Variants in KRT85 observed in about 807,000 individuals in gnomAD.
KRT85 encodes the protein keratin 85.
Under a neutral mutation model 53.7 loss-of-function variants are expected in KRT85, and 39 were observed. The observed-to-expected ratio is 0.73, with a 90% CI of 0.56 to 0.95. The LOEUF (loss-of-function observed/expected upper bound fraction) is 0.95, where lower values mean the gene tolerates loss of function less well. Ranked by LOEUF, KRT85 falls within the 40% of genes least tolerant of loss-of-function variation. The pLI is 0.00. For synonymous variants in KRT85, 291 were observed against 277.5 expected, an observed-to-expected ratio of 1.05 and a Z score of -0.48; for missense variants, 668 against 686.0, an observed-to-expected ratio of 0.97 and a Z score of 0.29.
At position 52,363,414 on chromosome 12, in the gene KRT85, T is replaced by TG; in HGVS notation, c.787-5dup. 6.2e-7 allele frequency: 1 copy of TG among 1,614,100 alleles called. No individual in the cohort carries two copies. The highest frequency in any genetic ancestry group is 1.6e-4 in the Middle Eastern group (1 of 6,062). ...GGGCTTGGAGAACGCGGATCTCCTG[T>TG]GGGGCCAACAGCCAGTGCATTTGCT... On this transcript the variant is annotated splice_region_variant and splice_polypyrimidine_tract_variant and intron_variant, in intron 4 of 8. Transcript: ENST00000257901.
Position 52,360,679 on chromosome 12 carries a change from G to T in KRT85, c.*174C>A, listed in dbSNP as rs1448563913. 5 of 690,482 alleles carry T rather than the reference G, an allele frequency of 7.2e-6. No individual in the cohort carries two copies. The highest frequency in any genetic ancestry group is 2.3e-5 in the Admixed American group (1 of 42,836). The allele number at this position is 690,482 out of a possible 1,614,324, so 42.8% of individuals were successfully genotyped here. A position where few individuals can be genotyped will look rare whatever the true frequency, so the allele number is the denominator to read the frequency against. ...AGGACAACTAGGATGCATCTCCCTA[G>T]CATGAAAAGGCGCAGGGGAGCGGCC... On this transcript the variant is annotated 3_prime_UTR_variant, in exon 9 of 9. Coordinates refer to ENST00000257901, the MANE Select transcript of KRT85 (RefSeq NM_002283.4).
In KRT85 at chr12:52,364,119, A is replaced by G. The variant is rs754428971; in HGVS notation, c.735T>C (p.Asn245=). The G allele has an allele frequency of 2.5e-6, 4 of 1,613,860 alleles. No individual in the cohort carries two copies. Among genetic ancestry groups the G allele is most frequent in the African/African-American group, 2.7e-5 (2 of 74,858 alleles). The change falls in exon 4 of 9, where the codon AAT becomes AAC. Residue 245 remains asparagine, a synonymous_variant. Transcript: ENST00000257901. The stretch of plus-strand genomic sequence containing the variant: ...TAGACTCCTCCACCAGGGCCTCCAC[A>G]TTGGCCTCCAGGTCTGATTTCCGCA... ...AYLRKSDLEA[N]VEALVEESSF... is the part of the protein sequence containing the mutation.
At position 52,363,013 on chromosome 12, in the gene KRT85, G is replaced by T. The variant is rs542412139; in HGVS notation, c.952-34C>A. 1.4e-5 allele frequency: 23 copies of T among 1,614,040 alleles called. 1 individual carries two copies. In the East Asian group the frequency reaches 4.9e-4, roughly 34 times the overall value. On this transcript the variant is annotated intron_variant, in intron 5 of 8. Transcript: ENST00000257901. ...AGTAGAGATGCTCATGAGGCTCAGGGTGGGGCCCCCCATCCATTCAGGACA... is the reference window on the plus strand; with the variant it reads ...AGTAGAGATGCTCATGAGGCTCAGGTTGGGGCCCCCCATCCATTCAGGACA...
At position 52,362,291 on chromosome 12, in the gene KRT85, T is replaced by A; in HGVS notation, c.1258A>T (p.Ile420Phe). ...TCCAGCAGGCGCCTGTAGGTGGCGA[T>A]CTCGATGTCCAGGCCCAGCTTGGAG... is the stretch of plus-strand genomic sequence containing the variant. ...MNSKLGLDIEIATYRRLLEGE... is the reference protein window; with the variant it reads ...MNSKLGLDIEFATYRRLLEGE... Residue 420 changes from isoleucine (I) to phenylalanine (F), a missense_variant, in exon 7 of 9, where the codon ATC (isoleucine) becomes TTC (phenylalanine). Coordinates refer to ENST00000257901, the MANE Select transcript of KRT85 (RefSeq NM_002283.4). The A allele has an allele frequency of 6.2e-7, 1 of 1,614,106 alleles. No homozygotes were observed. The highest frequency in any genetic ancestry group is 8.5e-7 in the Non-Finnish European group (1 of 1,180,012).
chr12:52,363,472 C>A, intron 4 of KRT85, 62 bp from the exon 5 acceptor site: 1 of 1,589,786 alleles, frequency 6.3e-7, no homozygotes. Flanking sequence ...GTGATCCACC[C>A]CAGGGGACAA....
At position 52,361,000 on chromosome 12, in the gene KRT85, G is replaced by A. The variant is rs1208025189; in HGVS notation, c.1377C>T (p.Tyr459=). The change falls in exon 9 of 9, where the codon TAC becomes TAT. Residue 459 remains tyrosine, a synonymous_variant. Coordinates refer to ENST00000257901, the MANE Select transcript of KRT85 (RefSeq NM_002283.4). The part of the protein sequence containing the change: ...RGGVSCGGLS[Y]STTPGRQITS... ...TGATCTGGCGCCCTGGGGTGGTGCT[G>A]TAGGAGAGGCCCCCACAGGAGACTC... 6 of 1,613,500 alleles carry A rather than the reference G, an allele frequency of 3.7e-6. No individual in the cohort carries two copies. Among genetic ancestry groups the A allele is most frequent in the Non-Finnish European group, 5.1e-6 (6 of 1,179,870 alleles).
rs755869685 is a variant in KRT85, at chr12:52,367,476, CCTT to C, written c.-74_-72del. ...GGCGGCAGAGTGCGAGGCTCAGGAT[CCTT>C]CTGCTCTCTCTGATCCTCCCTGGTC... On this transcript the variant is annotated 5_prime_UTR_variant, in exon 1 of 9. Transcript: ENST00000257901. 203 of 1,503,066 alleles carry C rather than the reference CCTT, an allele frequency of 1.4e-4. No homozygotes were observed. Among genetic ancestry groups the C allele is most frequent in the Non-Finnish European group, 1.8e-4 (193 of 1,089,598 alleles). The allele number at this position is 1,503,066 out of a possible 1,614,324, so 93.1% of individuals were successfully genotyped here.
chr12:52,364,719 C>A, intron 2 of KRT85: 1 of 1,408,052 alleles, frequency 7.1e-7, no homozygotes. Context: ...ATAGAGAGTG[C>A]TAGAATTCCA....
At chr12:52,361,557 T>G (rs2298796) in intron 7 of KRT85, 59 bp from the exon 8 acceptor site, 1 of 1,522,122 alleles carries the variant, frequency 6.6e-7, no homozygotes, top group African/African-American at 1.4e-5. Flanking sequence ...TTGAGACTGA[T>G]GGTTGCTTGG....
At chr12:52,365,314 C>A in intron 1 of KRT85, 144 bp from the exon 2 acceptor site, 2 of 884,908 alleles carry the variant, frequency 2.3e-6, no homozygotes, top group South Asian at 1.4e-5. Flanking sequence ...CATTCCCAGG[C>A]CCCCAGGGAG....
At position 52,367,306 on chromosome 12, in the gene KRT85, T is replaced by C; in HGVS notation, c.100A>G (p.Ile34Val). The C allele has an allele frequency of 6.2e-7, 1 of 1,613,750 alleles. No homozygotes were observed. The highest frequency in any genetic ancestry group is 8.5e-7 in the Non-Finnish European group (1 of 1,179,808). ...VAPKTGNRCCISAAPYRGVSC... is the reference protein window; with the variant it reads ...VAPKTGNRCCVSAAPYRGVSC... ...ACCCCTCGGTAGGGGGCGGCGCTGATGCAGCAGCGGTTGCCAGTTTTGGGG... is the reference window on the plus strand; with the variant it reads ...ACCCCTCGGTAGGGGGCGGCGCTGACGCAGCAGCGGTTGCCAGTTTTGGGG... Residue 34 changes from isoleucine (I) to valine (V), a missense_variant, in exon 1 of 9, where the codon ATC becomes GTC. Transcript: ENST00000257901.
Position 52,362,909 on chromosome 12 carries a change from T to C in KRT85, c.1022A>G (p.Glu341Gly). ...TLRRTKEEIN[E>G]LNRMIQRLTA... ...CAGCCTCTGGATCATGCGGTTCAGC[T>C]CGTTGATCTCCTCCTTGGTGCGGCG... Residue 341 changes from glutamate to glycine, a missense_variant, in exon 6 of 9, where the codon GAG becomes GGG. Coordinates refer to ENST00000257901, the MANE Select transcript of KRT85 (RefSeq NM_002283.4). 1 of 1,614,130 alleles carries C rather than the reference T, an allele frequency of 6.2e-7. No homozygotes were observed. Among genetic ancestry groups the C allele is most frequent in the Non-Finnish European group, 8.5e-7 (1 of 1,180,016 alleles).
At chr12:52,366,670 C>G (rs1939275300) in intron 1 of KRT85, among the ~76,000 whole-genome samples, 1 of 123,508 alleles carries the variant, frequency 8.1e-6, no homozygotes, top group Non-Finnish European at 1.9e-5. Flanking sequence ...TATGCTCACA[C>G]ACATGTACAC....
At chr12:52,361,146 G>A (rs1939185095) in intron 8 of KRT85, 100 bp from the exon 9 acceptor site, 1 of 1,046,060 alleles carries the variant, frequency 9.6e-7, no homozygotes, top group African/African-American at 1.6e-5. Flanking sequence ...CCCTCTCCAA[G>A]GAATTGGTGG....
At position 52,365,160 on chromosome 12, in the gene KRT85, A is replaced by G. The variant is rs752466101; in HGVS notation, c.431T>C (p.Leu144Pro). ...CTCCAGCAGCTTGTTCTGCTGCTCC[A>G]GGAAGCGCACCTGCCATTCAGGTGG... ...FAAFIDKVRF[L>P]EQQNKLLETK... Residue 144 changes from leucine to proline, a missense_variant, in exon 2 of 9, where the codon CTG becomes CCG. Around this residue, in one of 3 missense-constraint regions of KRT85, gnomAD observed 488 missense variants for 498.1 expected, o/e 0.98. Transcript: ENST00000257901. The G allele has an allele frequency of 6.2e-7, 1 of 1,614,202 alleles. No homozygotes were observed. The highest frequency in any genetic ancestry group is 8.5e-7 in the Non-Finnish European group (1 of 1,180,036).
At chr12:52,363,467 C>G in intron 4 of KRT85, 57 bp from the exon 5 acceptor site, 1 of 1,597,698 alleles carries the variant, frequency 6.3e-7, no homozygotes, top group Non-Finnish European at 8.6e-7. Context: ...GCCACGTGAT[C>G]CACCCCAGGG....
chr12:52,360,193 T>G lies in KRT85; in HGVS notation c.*660A>C, dbSNP rs544543733. On this transcript the variant is annotated 3_prime_UTR_variant, in exon 9 of 9. Transcript: ENST00000257901. ...AGCAGCCATGGAGTCTTCTTTGAAATGTACAAAGGTTCACTGAATAGCAAG... is the reference window on the plus strand; with the variant it reads ...AGCAGCCATGGAGTCTTCTTTGAAAGGTACAAAGGTTCACTGAATAGCAAG... 1 of 158,190 alleles carries G rather than the reference T, an allele frequency of 6.3e-6. No individual in the cohort carries two copies. Among genetic ancestry groups the G allele is most frequent in the African/African-American group, 2.4e-5 (1 of 41,540 alleles). The allele number at this position is 158,190 out of a possible 1,614,324, so 9.8% of individuals were successfully genotyped here.
intron 1 of KRT85, among the ~76,000 whole-genome samples, chr12:52,366,536 C>A (rs549819326): frequency 1.3e-5 from 2 of 152,342 alleles, no homozygotes; most frequent in East Asian, 3.9e-4. Context: ...TTATCTCCCA[C>A]TCTTCCAGCA....
chr12:52,362,109 A>G (rs1939198848), intron 7 of KRT85, 142 bp downstream of exon 7: 17 of 1,029,234 alleles, frequency 1.7e-5, no homozygotes, highest in Non-Finnish European at 2.5e-5. Context: ...GCACAGAAGC[A>G]TTCAGTTATT....
Sources: gnomAD v4.1 joint callset for allele counts (sites outside exome capture counted in the v4.1 genomes callset) on GRCh38, gnomAD v4.1.1 for gene constraint, gnomAD v4.1.1 regional missense constraint, MANE v1.5 for transcripts, NCBI Gene and HGNC (gene_info 2026-07-23, HGNC 2026-07-21) for gene names.